The following DAB1 variants were observed in gnomAD, a reference collection of about 807,000 sequenced individuals.
The protein encoded by DAB1 is DAB adaptor protein 1.
A neutral mutation model predicts 64.6 loss-of-function variants in DAB1; 15 were observed. That is an observed-to-expected ratio of 0.23 (90% CI 0.16 to 0.36). The LOEUF (loss-of-function observed/expected upper bound fraction) is 0.36. DAB1 is among the 10% of genes least tolerant of loss of function. The pLI is 1.00. For synonymous variants in DAB1, 235 were observed against 251.9 expected (o/e 0.93, Z 0.64); for missense variants, 596 against 706.7 (o/e 0.84, Z 1.78).
At chr1:57,577,012 T>C (rs1280911623) in intron 7 of DAB1, among the ~76,000 whole-genome samples, 1 of 152,202 alleles carries the variant, frequency 6.6e-6, no homozygotes, top group East Asian at 1.9e-4. Context: ...TAAACAAGAT[T>C]GCAGCTAGCA....
At chr1:57,473,663 T>A (rs560518412) in intron 7 of DAB1, among the ~76,000 whole-genome samples, 1 of 152,330 alleles carries the variant, frequency 6.6e-6, no homozygotes, top group Admixed American at 6.5e-5. Flanking sequence ...TATCTGGAAC[T>A]TTCAGAACAA....
intron 5 of DAB1, among the ~76,000 whole-genome samples, chr1:58,130,409 C>G (rs575476104): frequency 2.0e-5 from 3 of 151,648 alleles, no homozygotes; most frequent in African/African-American, 7.3e-5. Flanking sequence ...GACTCTTTAT[C>G]CAACTTGCCA....
intron 4 of DAB1, among the ~76,000 whole-genome samples, chr1:58,300,636 GAGAGAGAGAGA>G (rs1662132033): frequency 3.4e-5 from 2 of 59,224 alleles, no homozygotes; most frequent in Admixed American, 1.8e-4. Flanking sequence ...GAGAGAGAGA[GAGAGAGAGAGA>G]GGAAGGAAGG....
intron 5 of DAB1, among the ~76,000 whole-genome samples, chr1:58,014,584 C>A (rs971309933): frequency 2.0e-5 from 3 of 152,220 alleles, no homozygotes; most frequent in African/African-American, 7.2e-5. Context: ...AAAGATCACA[C>A]TGCAGTCATA....
chr1:57,834,591 T>TTA (rs895008372), intron 1 of DAB1, among the ~76,000 whole-genome samples: 13 of 151,722 alleles, frequency 8.6e-5, no homozygotes, highest in Admixed American at 3.3e-4. Flanking sequence ...ACACAGTTTT[T>TTA]TATATATATA....
Position 58,446,238 on chromosome 1 carries a change from C to T in DAB1, n.257+59822G>A, listed in dbSNP as rs182897212. On this transcript the variant is annotated intron_variant and non_coding_transcript_variant, in intron 3 of 20. Transcript: ENST00000485760. Reference sequence around the variant, plus strand: ...GGCAGGCATTGGCCAAATCTGTGTTCGTTGCTCCCAGCCCATTACGTTACA... The same window carrying T: ...GGCAGGCATTGGCCAAATCTGTGTTTGTTGCTCCCAGCCCATTACGTTACA... Among the ~76,000 whole-genome samples the T allele has an allele frequency of 5.9e-5, 9 of 152,272 alleles. No homozygotes were observed. The East Asian group carries it at 1.7e-3, about 29-fold the overall frequency.
intron 4 of DAB1, among the ~76,000 whole-genome samples, chr1:57,104,433 T>C (rs1249107773): frequency 6.6e-6 from 1 of 152,248 alleles, no homozygotes; most frequent in Non-Finnish European, 1.5e-5. Flanking sequence ...AATTAACTTT[T>C]GCTGATTTTT....
intron 5 of DAB1, among the ~76,000 whole-genome samples, chr1:58,050,657 G>A (rs955365304): frequency 1.3e-5 from 2 of 152,074 alleles, no homozygotes; most frequent in African/African-American, 4.8e-5. Flanking sequence ...AGCCTCCCGA[G>A]CAGCTGGGAC....
At chr1:58,427,775 G>C (rs1413210863) in intron 3 of DAB1, among the ~76,000 whole-genome samples, 1 of 152,132 alleles carries the variant, frequency 6.6e-6, no homozygotes, top group Non-Finnish European at 1.5e-5. Flanking sequence ...ATGTTAGATA[G>C]GGAGTTGGTC....
chr1:57,357,539 T>C (rs1679210171), intron 1 of DAB1, among the ~76,000 whole-genome samples: 1 of 132,724 alleles, frequency 7.5e-6, no homozygotes, highest in South Asian at 2.3e-4. Flanking sequence ...TTTTTTTTGG[T>C]AGCTATTGTA....
intron 7 of DAB1, among the ~76,000 whole-genome samples, chr1:57,555,393 T>G (rs1373385813): frequency 0.032 from 469 of 14,584 alleles, 1 homozygote; most frequent in African/African-American, 0.082. Context: ...GTCTCTGGGT[T>G]TTTTTTTTTT....
intron 2 of DAB1, among the ~76,000 whole-genome samples, chr1:57,196,500 A>C (rs781346034): frequency 1.3e-5 from 2 of 152,184 alleles, no homozygotes; most frequent in African/African-American, 4.8e-5. Context: ...CATTTATTGA[A>C]GTCCCAGACA....
chr1:57,731,927 C>G (rs1199757061), intron 6 of DAB1, among the ~76,000 whole-genome samples: 1 of 152,124 alleles, frequency 6.6e-6, no homozygotes, highest in Non-Finnish European at 1.5e-5. Flanking sequence ...ATCTTTCCTT[C>G]TTCATAATAA....
At chr1:57,477,061 T>C (rs1643947233) in intron 7 of DAB1, among the ~76,000 whole-genome samples, 2 of 152,194 alleles carry the variant, frequency 1.3e-5, no homozygotes, top group African/African-American at 4.8e-5. Context: ...ACCTGGCACA[T>C]AGTAAAAGCC....
At chr1:57,653,157 CT>C (rs1446807507) in intron 6 of DAB1, among the ~76,000 whole-genome samples, 2 of 151,918 alleles carry the variant, frequency 1.3e-5, no homozygotes, top group Non-Finnish European at 1.5e-5. Flanking sequence ...TGTTTCAGAC[CT>C]TTTTTAATAT....
At chr1:57,995,153 A>T (rs754863520) in intron 5 of DAB1, among the ~76,000 whole-genome samples, 10 of 152,184 alleles carry the variant, frequency 6.6e-5, no homozygotes, top group Non-Finnish European at 1.2e-4. Flanking sequence ...CCCCAGGTAC[A>T]TGATTTCAGA....
At chr1:57,885,027 C>T (rs1644202013), upstream of DAB1, among the ~76,000 whole-genome samples, 1 of 152,198 alleles carries the variant, frequency 6.6e-6, no homozygotes, top group Non-Finnish European at 1.5e-5. Flanking sequence ...GCCTGCAGAA[C>T]TGTGAGTCAA....
chr1:58,458,364 T>G (rs536728150), intron 3 of DAB1, among the ~76,000 whole-genome samples: 1 of 152,358 alleles, frequency 6.6e-6, no homozygotes, highest in African/African-American at 2.4e-5. Context: ...AGATAGGTGT[T>G]GTTTCCCCAT....
At chr1:57,881,971 G>A (rs1162095863) in intron 1 of DAB1, among the ~76,000 whole-genome samples, 1 of 152,214 alleles carries the variant, frequency 6.6e-6, no homozygotes, top group East Asian at 1.9e-4. Flanking sequence ...TGACAGGCTT[G>A]ATTAATCCCT....
Sources: gnomAD v4.1 joint callset for allele counts (sites outside exome capture counted in the v4.1 genomes callset) on GRCh38, gnomAD v4.1.1 for gene constraint, MANE v1.5 for transcripts, NCBI Gene and HGNC (gene_info 2026-07-23, HGNC 2026-07-21) for gene names.